Variants in TMC2 observed in about 807,000 individuals in gnomAD.
TMC2 encodes transmembrane channel like 2.
In TMC2, 102 loss-of-function variants were observed where a neutral mutation model predicts 105.9. The ratio of observed to expected loss-of-function variants is 0.96; its 90% CI spans 0.82 to 1.14. The LOEUF is 1.14. TMC2 is among the 50% of genes most tolerant of loss of function. TMC2 has a pLI of 0.00. For synonymous variants in TMC2, 402 were observed against 422.8 expected, an observed-to-expected ratio of 0.95 and a Z score of 0.60; for missense variants, 1,093 against 1,134.3, an observed-to-expected ratio of 0.96 and a Z score of 0.52.
chr20:2,606,891 C>CTTTTTTTTTTTTTTT (rs11476357), intron 11 of TMC2, among the ~76,000 whole-genome samples: 85 of 83,926 alleles, frequency 1.0e-3, no homozygotes, highest in South Asian at 1.2e-3. Context: ...TTTCTTTTTT[C>CTTTTTTTTTTTTTTT]TTTTTTTTTT....
In TMC2 at chr20:2,617,102, G is replaced by A. The variant is rs2086488263; in HGVS notation, c.1971G>A (p.Val657=). Residue 657 remains valine, a synonymous_variant, in exon 16 of 20, where the codon GTG becomes GTA. Transcript: ENST00000358864. The part of the protein sequence containing the change: ...WMGSFYAPGL[V]GINVLRLLTS... ...GCTCCTTCTATGCTCCAGGCCTGGTGGGCATTAATGTGCTGCGCCTGCTGA... is the reference window on the plus strand; with the variant it reads ...GCTCCTTCTATGCTCCAGGCCTGGTAGGCATTAATGTGCTGCGCCTGCTGA... 1 of 1,614,082 alleles carries A rather than the reference G, an allele frequency of 6.2e-7. No individual in the cohort carries two copies. The highest frequency in any genetic ancestry group is 1.3e-5 in the African/African-American group (1 of 74,936).
chr20:2,617,120 C>T lies in TMC2; in HGVS notation c.1989C>T (p.Arg663=). The part of the protein sequence containing the change: ...APGLVGINVL[R]LLTSMYFQCW... ...GCCTGGTGGGCATTAATGTGCTGCG[C>T]CTGCTGACCTCCATGTACTTCCAGT... The change falls in exon 16 of 20, where the codon CGC becomes CGT. Residue 663 remains arginine (R), a synonymous_variant. Transcript: ENST00000358864. 3.7e-6 allele frequency: 6 copies of T among 1,614,226 alleles called. No homozygotes were observed. The highest frequency in any genetic ancestry group is 5.1e-6 in the Non-Finnish European group (6 of 1,180,044).
intron 4 of TMC2, among the ~76,000 whole-genome samples, chr20:2,568,273 A>G (rs998640248): frequency 1.3e-5 from 2 of 152,202 alleles, no homozygotes; most frequent in African/African-American, 4.8e-5. Context: ...CACAATTATA[A>G]TGACAAGAAA....
At chr20:2,548,530 C>T (rs765218753) in intron 2 of TMC2, among the ~76,000 whole-genome samples, 2 of 151,524 alleles carry the variant, frequency 1.3e-5, no homozygotes, top group Non-Finnish European at 2.9e-5. Flanking sequence ...CCCAGCTACT[C>T]GGGAGGCTGA....
chr20:2,615,110 T>C (rs2086470237), intron 14 of TMC2, among the ~76,000 whole-genome samples: 1 of 151,936 alleles, frequency 6.6e-6, no homozygotes, highest in African/African-American at 2.4e-5. Flanking sequence ...TCACTTGAGG[T>C]CAGGAATTCA....
At chr20:2,587,528 A>G (rs2086239306) in intron 7 of TMC2, among the ~76,000 whole-genome samples, 1 of 16,890 alleles carries the variant, frequency 5.9e-5, no homozygotes, top group African/African-American at 5.8e-4. Context: ...TGATTTGGGA[A>G]TGTTTTTTTT....
intron 7 of TMC2, among the ~76,000 whole-genome samples, chr20:2,591,591 G>A (rs1040787795): frequency 5.9e-5 from 9 of 152,200 alleles, no homozygotes; most frequent in Middle Eastern, 3.4e-3. Flanking sequence ...TGTAGTTCCC[G>A]CTACTCAGGA....
At chr20:2,624,889 C>T (rs1284291611) in intron 17 of TMC2, among the ~76,000 whole-genome samples, 2 of 152,210 alleles carry the variant, frequency 1.3e-5, no homozygotes, top group Non-Finnish European at 2.9e-5. Context: ...GGCTCTGAGC[C>T]TATCAGGAAG....
chr20:2,574,540 A>T (rs1042446983), intron 5 of TMC2, among the ~76,000 whole-genome samples: 5 of 152,074 alleles, frequency 3.3e-5, no homozygotes, highest in African/African-American at 1.2e-4. Context: ...ATACCTTGAA[A>T]TTTTTTTCAA....
intron 4 of TMC2, among the ~76,000 whole-genome samples, chr20:2,567,317 G>A (rs1014137111): frequency 6.6e-6 from 1 of 151,976 alleles, no homozygotes; most frequent in African/African-American, 2.4e-5. Context: ...ACCCCCACCT[G>A]GAAGTAATCA....
chr20:2,619,194 T>C (rs1009124110), intron 16 of TMC2, among the ~76,000 whole-genome samples: 1 of 151,952 alleles, frequency 6.6e-6, no homozygotes, highest in Non-Finnish European at 1.5e-5. Context: ...TTATTAGGGG[T>C]AACTTACAGT....
At chr20:2,602,609 T>A (rs2086360188) in intron 11 of TMC2, among the ~76,000 whole-genome samples, 1 of 152,216 alleles carries the variant, frequency 6.6e-6, no homozygotes, top group Non-Finnish European at 1.5e-5. Context: ...GTAAATCAAG[T>A]GTCTATTAAT....
chr20:2,619,303 G>A (rs951835093), intron 16 of TMC2, among the ~76,000 whole-genome samples: 2 of 152,098 alleles, frequency 1.3e-5, no homozygotes, highest in Non-Finnish European at 2.9e-5. Context: ...GCGTGCTCTG[G>A]AAGGAATGTA....
At chr20:2,610,311 G>C in intron 11 of TMC2, 108 bp from the exon 12 acceptor site, 1 of 1,067,434 alleles carries the variant, frequency 9.4e-7, no homozygotes, top group South Asian at 1.6e-5. Context: ...TCCAGGCGCA[G>C]CAGAGGGGGC....
At chr20:2,573,376 A>G (rs2086116742) in intron 5 of TMC2, among the ~76,000 whole-genome samples, 1 of 151,744 alleles carries the variant, frequency 6.6e-6, no homozygotes, top group Non-Finnish European at 1.5e-5. Context: ...CTCCCTATAG[A>G]TCTTTTCCAT....
At chr20:2,590,390 T>C (rs965005454) in intron 7 of TMC2, among the ~76,000 whole-genome samples, 5 of 152,144 alleles carry the variant, frequency 3.3e-5, no homozygotes, top group African/African-American at 1.2e-4. Flanking sequence ...TATATAGTAG[T>C]TAATTTCCTT....
chr20:2,590,130 T>C (rs2086258963), intron 7 of TMC2, among the ~76,000 whole-genome samples: 1 of 152,050 alleles, frequency 6.6e-6, no homozygotes. Flanking sequence ...ATCTCAAAAG[T>C]GTAATGTTGT....
At position 2,628,761 on chromosome 20, in the gene TMC2, C is replaced by T. The variant is rs1448804995; in HGVS notation, c.2306+4365C>T. Among the ~76,000 whole-genome samples the T allele has an allele frequency of 2.0e-5, 3 of 152,196 alleles. No individual in the cohort carries two copies. In the South Asian group the frequency reaches 6.2e-4, roughly 32 times the overall value. On this transcript the variant is annotated intron_variant, in intron 17 of 19. Transcript: ENST00000358864. ...AACAGTGAGTCAATTAAATCTCTTT[C>T]CTTTATAAATTACTCAGTCTTGGGT...
At chr20:2,640,350 A>AT (rs2146276789) in intron 19 of TMC2, among the ~76,000 whole-genome samples, 1 of 152,194 alleles carries the variant, frequency 6.6e-6, no homozygotes, top group Admixed American at 6.5e-5. Flanking sequence ...AATTTTATTC[A>AT]TTTTTTATTA....
Sources: gnomAD v4.1 joint callset for allele counts (sites outside exome capture counted in the v4.1 genomes callset) on GRCh38, gnomAD v4.1.1 for gene constraint, MANE v1.5 for transcripts, NCBI Gene and HGNC (gene_info 2026-07-23, HGNC 2026-07-21) for gene names.